UBAC2: variants seen among roughly 807,000 people sequenced by gnomAD.
The protein encoded by UBAC2 is ubiquitin-associated domain-containing protein 2.
Under a neutral mutation model 44.0 loss-of-function variants are expected in UBAC2, and 26 were observed. The observed-to-expected ratio is 0.59, with a 90% confidence interval of 0.43 to 0.82. The LOEUF (loss-of-function observed/expected upper bound fraction) is 0.82, where lower values mean the gene tolerates loss of function less well. UBAC2 is among the 40% of genes least tolerant of loss of function. UBAC2 has a pLI of 0.00. For missense variants in UBAC2, 329 were observed against 419.4 expected, an observed-to-expected ratio of 0.78 and a Z score of 1.88; for synonymous variants, 155 against 154.3, an observed-to-expected ratio of 1.00 and a Z score of -0.04.
At chr13:99,201,287 A>C in intron 1 of UBAC2, 1 of 1,452,858 alleles carries the variant, frequency 6.9e-7, no homozygotes, top group Non-Finnish European at 9.1e-7. Flanking sequence ...GCCGCGCTGA[A>C]GGAAGGGGCC....
At chr13:99,376,638 GAAAT>G (rs749955749) in intron 8 of UBAC2, among the ~76,000 whole-genome samples, 9 of 152,202 alleles carry the variant, frequency 5.9e-5, no homozygotes, top group African/African-American at 9.7e-5. Context: ...CTAGAAATAA[GAAAT>G]AAGTAGATGT....
intron 8 of UBAC2, among the ~76,000 whole-genome samples, chr13:99,383,744 C>A (rs1048505322): frequency 2.3e-5 from 2 of 87,464 alleles, no homozygotes; most frequent in Non-Finnish European, 6.9e-5. Flanking sequence ...ATGGGCGGCA[C>A]CCCCCGTTTG....
intron 4 of UBAC2, among the ~76,000 whole-genome samples, chr13:99,277,852 G>T (rs1169647111): frequency 6.6e-6 from 1 of 152,158 alleles, no homozygotes; most frequent in East Asian, 1.9e-4. Context: ...TCTGGAGGTG[G>T]GTGGTGGTAA....
chr13:99,215,646 T>A, intron 1 of UBAC2: 5 of 1,365,124 alleles, frequency 3.7e-6, no homozygotes, highest in Non-Finnish European at 4.1e-6. Flanking sequence ...CGTCCTAGAT[T>A]TCAGGTGTTG....
At chr13:99,327,053 T>C (rs2138797315) in intron 6 of UBAC2, among the ~76,000 whole-genome samples, 1 of 152,352 alleles carries the variant, frequency 6.6e-6, no homozygotes, top group African/African-American at 2.4e-5. Context: ...GAATGTGGCC[T>C]ATAGCTATGC....
chr13:99,272,463 G>A (rs1016409108), intron 4 of UBAC2, among the ~76,000 whole-genome samples: 1 of 152,116 alleles, frequency 6.6e-6, no homozygotes, highest in African/African-American at 2.4e-5. Flanking sequence ...AGGAATGTAG[G>A]GTCATAGGAT....
intron 4 of UBAC2, among the ~76,000 whole-genome samples, chr13:99,264,636 C>T (rs1741192142): frequency 6.6e-6 from 1 of 152,170 alleles, no homozygotes. Context: ...GGTCACTCTC[C>T]CCAGGGGCAG....
At chr13:99,208,262 C>T (rs1474869391) in intron 1 of UBAC2, among the ~76,000 whole-genome samples, 2 of 152,238 alleles carry the variant, frequency 1.3e-5, no homozygotes, top group Non-Finnish European at 2.9e-5. Flanking sequence ...CTCCCAAAGT[C>T]TTGGGATTAC....
intron 4 of UBAC2, among the ~76,000 whole-genome samples, chr13:99,300,613 T>A (rs1002596985): frequency 6.6e-6 from 1 of 152,248 alleles, no homozygotes; most frequent in Admixed American, 6.5e-5. Flanking sequence ...TTGAATTAAG[T>A]CCATTCTTTC....
At chr13:99,292,913 A>G (rs536880606) in intron 4 of UBAC2, among the ~76,000 whole-genome samples, 1 of 152,356 alleles carries the variant, frequency 6.6e-6, no homozygotes, top group South Asian at 2.1e-4. Context: ...TAACAATTAT[A>G]CAGCCCTGTC....
At chr13:99,209,297 G>A (rs1027043922) in intron 1 of UBAC2, among the ~76,000 whole-genome samples, 3 of 152,218 alleles carry the variant, frequency 2.0e-5, no homozygotes, top group African/African-American at 7.2e-5. Context: ...GTCTTCACGG[G>A]AGGGAACCCT....
At chr13:99,257,725 T>C (rs2043590368) in intron 4 of UBAC2, among the ~76,000 whole-genome samples, 1 of 152,200 alleles carries the variant, frequency 6.6e-6, no homozygotes, top group Non-Finnish European at 1.5e-5. Flanking sequence ...CATTAAGTTA[T>C]TTCATGAAAC....
intron 1 of UBAC2, among the ~76,000 whole-genome samples, chr13:99,237,909 T>C (rs2043257479): frequency 6.6e-6 from 1 of 152,300 alleles, no homozygotes; most frequent in East Asian, 1.9e-4. Context: ...GAGCCGAGAT[T>C]GCGCCACTGC....
chr13:99,269,228 C>T (rs866413183), intron 4 of UBAC2, among the ~76,000 whole-genome samples: 8 of 152,074 alleles, frequency 5.3e-5, no homozygotes, highest in Admixed American at 2.0e-4. Context: ...CCCTTTAAAC[C>T]GTGAGCATTC....
At chr13:99,315,929 A>G (rs1168021502) in intron 5 of UBAC2, among the ~76,000 whole-genome samples, 1 of 151,798 alleles carries the variant, frequency 6.6e-6, no homozygotes, top group African/African-American at 2.4e-5. Flanking sequence ...TTGGTGCAAA[A>G]GTAATTGCGG....
chr13:99,241,256 C>A (rs1303953918), intron 2 of UBAC2, among the ~76,000 whole-genome samples: 1 of 127,860 alleles, frequency 7.8e-6, no homozygotes, highest in Non-Finnish European at 1.7e-5. Context: ...CAGAGTGAGA[C>A]CCTGTCTCAA....
At chr13:99,214,325 G>A (rs2042967607) in intron 1 of UBAC2, among the ~76,000 whole-genome samples, 1 of 151,338 alleles carries the variant, frequency 6.6e-6, no homozygotes, top group Non-Finnish European at 1.5e-5. Context: ...TTCTTGTGCA[G>A]TCCTGAATGA....
At chr13:99,313,698 C>A (rs1040922856) in intron 4 of UBAC2, among the ~76,000 whole-genome samples, 1 of 151,968 alleles carries the variant, frequency 6.6e-6, no homozygotes, top group Non-Finnish European at 1.5e-5. Context: ...AGTGCCATGG[C>A]GACAGATCAC....
At chr13:99,285,037 G>A (rs1418786220) in intron 4 of UBAC2, among the ~76,000 whole-genome samples, 2 of 152,040 alleles carry the variant, frequency 1.3e-5, no homozygotes, top group Admixed American at 1.3e-4. Flanking sequence ...GTATTTTGAA[G>A]CAATTTCCAG....
Sources: allele counts gnomAD v4.1 joint callset (sites outside exome capture counted in the v4.1 genomes callset), GRCh38; gene constraint gnomAD v4.1.1; transcripts MANE v1.5; gene names NCBI Gene and HGNC (gene_info 2026-07-23, HGNC 2026-07-21).